LONRF1: variants seen among roughly 807,000 people sequenced by gnomAD.
LONRF1 encodes the protein LON peptidase N-terminal domain and RING finger protein 1.
In LONRF1, 37 loss-of-function variants were observed where a neutral mutation model predicts 85.8. The observed-to-expected ratio is 0.43, with a 90% confidence interval of 0.33 to 0.57. The LOEUF (loss-of-function observed/expected upper bound fraction) is 0.57, where lower values mean the gene tolerates loss of function less well. Ranked by LOEUF, LONRF1 falls within the 20% of genes least tolerant of loss-of-function variation. LONRF1 has a pLI of 0.04. For synonymous variants in LONRF1, 517 were observed against 390.1 expected (o/e 1.33, Z -3.83); for missense variants, 1,036 against 978.0 (o/e 1.06, Z -0.79).
chr8:12,725,984 C>T, intron 10 of LONRF1, 105 bp from the exon 11 acceptor site: 1 of 1,013,206 alleles, frequency 9.9e-7, no homozygotes, highest in South Asian at 1.5e-5. Context: ...CAGGGCAATA[C>T]CTGTTTCAGT....
Position 12,740,936 on chromosome 8 carries a change from G to A in LONRF1, c.901C>T (p.Leu301Phe), listed in dbSNP as rs758592289. ...TCAAGGGCTAAGCACTGAAGAAAGA[G>A]TTGTAAGGCATCACCTAAAAAACCA... ...DAGFLGDALQ[L>F]FLQCLALDED... is the part of the protein sequence containing the mutation. Residue 301 changes from leucine to phenylalanine, a missense_variant, in exon 3 of 12, where the codon CTC becomes TTC. By Grantham distance (22) the Leu-to-Phe change is conservative. Transcript: ENST00000398246. The A allele has an allele frequency of 4.3e-6, 7 of 1,613,580 alleles. No individual in the cohort carries two copies. In the South Asian group the frequency reaches 7.7e-5, roughly 18 times the overall value.
At chr8:12,728,786 G>A (rs745449319) in intron 10 of LONRF1, 115 bp downstream of exon 10, 131 of 1,156,346 alleles carry the variant, frequency 1.1e-4, no homozygotes, top group Middle Eastern at 2.3e-4. Context: ...TCATCACAGT[G>A]GTAAGGCTGT....
At chr8:12,745,765 T>C (rs2117321417) in intron 1 of LONRF1, among the ~76,000 whole-genome samples, 1 of 152,248 alleles carries the variant, frequency 6.6e-6, no homozygotes, top group African/African-American at 2.4e-5. Flanking sequence ...ATTGACAAAA[T>C]CCAAAGACAA....
At chr8:12,724,474 A>T (rs1050641057) in intron 11 of LONRF1, among the ~76,000 whole-genome samples, 3 of 152,144 alleles carry the variant, frequency 2.0e-5, no homozygotes. Context: ...TGTAGGTGAC[A>T]TCCCTGACCT....
At chr8:12,740,755 T>C in intron 3 of LONRF1, 119 bp downstream of exon 3, 1 of 1,257,888 alleles carries the variant, frequency 7.9e-7, no homozygotes, top group Non-Finnish European at 1.1e-6. Context: ...ATCACATTTG[T>C]TCCTAAGTTA....
At chr8:12,740,616 C>G (rs1351185511) in intron 3 of LONRF1, among the ~76,000 whole-genome samples, 1 of 152,146 alleles carries the variant, frequency 6.6e-6, no homozygotes, top group East Asian at 1.9e-4. Flanking sequence ...GACCATCAGT[C>G]TGGCTCAGAT....
Position 12,755,172 on chromosome 8 carries a change from G to C in LONRF1, c.249C>G (p.Pro83=), listed in dbSNP as rs1181419076. Residue 83 remains proline, a synonymous_variant, in exon 1 of 12, where the codon CCC becomes CCG. Transcript: ENST00000398246. ...AGTCCACCAGGGCGCCCAGGCACTC[G>C]GGCCTGGCCGGGGCCCCGCGGCGCA... The part of the protein sequence containing the change: ...AALRRGAPAR[P]ECLGALVDCL... 7.3e-7 allele frequency: 1 copy of C among 1,362,454 alleles called. No homozygotes were observed. Among genetic ancestry groups the C allele is most frequent in the African/African-American group, 1.5e-5 (1 of 65,408 alleles). The allele number at this position is 1,362,454 out of a possible 1,614,324, so 84.4% of individuals were successfully genotyped here.
At chr8:12,745,340 AAAAAAC>A (rs1301090710) in intron 1 of LONRF1, among the ~76,000 whole-genome samples, 6 of 145,626 alleles carry the variant, frequency 4.1e-5, no homozygotes, top group African/African-American at 1.6e-4. Flanking sequence ...AAAAAAAAAA[AAAAAAC>A]CAACCCCATC....
Position 12,734,436 on chromosome 8 carries a change from T to A in LONRF1, c.1566+850A>T, listed in dbSNP as rs542627701. Among the ~76,000 whole-genome samples the A allele has an allele frequency of 4.7e-3, 715 of 152,278 alleles. 4 individuals carry two copies. The highest frequency in any genetic ancestry group is 0.017 in the African/African-American group (692 of 41,560). Reference sequence around the variant, plus strand: ...ACTTTTTTTTAAGCAATCCTGTCAATCACCAGAGACAGAATCACTTTCCCC... The same window carrying A: ...ACTTTTTTTTAAGCAATCCTGTCAAACACCAGAGACAGAATCACTTTCCCC... On this transcript the variant is annotated intron_variant, in intron 7 of 11. Coordinates refer to ENST00000398246, the MANE Select transcript of LONRF1 (RefSeq NM_152271.5).
chr8:12,746,721 T>C (rs1799169362), intron 1 of LONRF1, among the ~76,000 whole-genome samples: 1 of 152,242 alleles, frequency 6.6e-6, no homozygotes, highest in Non-Finnish European at 1.5e-5. Context: ...ATTGTCCACA[T>C]TTTTATAGAA....
At chr8:12,729,804 G>A (rs1200973123) in intron 8 of LONRF1, among the ~76,000 whole-genome samples, 2 of 152,086 alleles carry the variant, frequency 1.3e-5, no homozygotes, top group African/African-American at 4.8e-5. Flanking sequence ...CAAACGCAAG[G>A]ATAAGAAAAC....
chr8:12,747,079 T>G (rs1799189524), intron 1 of LONRF1, among the ~76,000 whole-genome samples: 1 of 152,250 alleles, frequency 6.6e-6, no homozygotes, highest in African/African-American at 2.4e-5. Context: ...GATAAATGTT[T>G]CCTGAATTAG....
At chr8:12,734,719 C>T (rs941253514) in intron 7 of LONRF1, among the ~76,000 whole-genome samples, 2 of 152,154 alleles carry the variant, frequency 1.3e-5, no homozygotes, top group East Asian at 1.9e-4. Context: ...TGCCCAATGT[C>T]GCAGCCATTA....
At chr8:12,731,605 G>C (rs1302818349) in intron 8 of LONRF1, 131 bp downstream of exon 8, 142 of 708,054 alleles carry the variant, frequency 2.0e-4, no homozygotes, top group Non-Finnish European at 1.4e-4. Context: ...GTCTGTTGAG[G>C]ACCACGGAAA....
chr8:12,730,355 G>C (rs1798481121), intron 8 of LONRF1, among the ~76,000 whole-genome samples: 1 of 152,278 alleles, frequency 6.6e-6, no homozygotes, highest in East Asian at 1.9e-4. Flanking sequence ...AATGCCAATA[G>C]TTGATTCCCT....
At chr8:12,749,567 A>AT (rs1799296519) in intron 1 of LONRF1, among the ~76,000 whole-genome samples, 1 of 152,228 alleles carries the variant, frequency 6.6e-6, no homozygotes, top group Non-Finnish European at 1.5e-5. Flanking sequence ...CAAAAAGTTA[A>AT]TATATAAATA....
At position 12,740,890 on chromosome 8, in the gene LONRF1, T is replaced by C; in HGVS notation, c.947A>G (p.Lys316Arg). The change falls in exon 3 of 12, where the codon AAG becomes AGG. Residue 316 changes from lysine (K) to arginine (R), a missense_variant. Lys to Arg is a conservative substitution (Grantham distance 26). This residue lies in a region of LONRF1 where 742 missense variants were observed against 614.4 expected (regional missense o/e 1.21). Transcript: ENST00000398246. ...ACTGATTACCTTTTGTACTTGCAGC[T>C]TTGCAGGTGCAAAATCTTCATCAAG... The part of the protein sequence containing the change: ...LALDEDFAPA[K>R]LQVQKILCDL... 1 of 1,613,474 alleles carries C rather than the reference T, an allele frequency of 6.2e-7. No homozygotes were observed. The highest frequency in any genetic ancestry group is 8.5e-7 in the Non-Finnish European group (1 of 1,179,556).
At chr8:12,754,579 C>A in intron 1 of LONRF1, 121 bp downstream of exon 1, 1 of 1,140,744 alleles carries the variant, frequency 8.8e-7, no homozygotes, top group Non-Finnish European at 1.1e-6. Flanking sequence ...GACACGCCAG[C>A]GGCCCAGCGG....
At position 12,730,502 on chromosome 8, in the gene LONRF1, A is replaced by C. The variant is rs1195535847; in HGVS notation, c.1689-1170T>G. On this transcript the variant is annotated intron_variant, in intron 8 of 11. Coordinates refer to ENST00000398246, the MANE Select transcript of LONRF1 (RefSeq NM_152271.5). Reference sequence around the variant, plus strand: ...TGTTTTAAGAAACAGCCCCATTAGTAAGCAGCTGGACACCCTGTCGCTTCT... The same window carrying C: ...TGTTTTAAGAAACAGCCCCATTAGTCAGCAGCTGGACACCCTGTCGCTTCT... Among the ~76,000 whole-genome samples the C allele has an allele frequency of 3.3e-5, 5 of 152,294 alleles. No homozygotes were observed. In the East Asian group the frequency reaches 9.7e-4, roughly 29 times the overall value.
Sources: gnomAD v4.1 joint callset for allele counts (sites outside exome capture counted in the v4.1 genomes callset) on GRCh38, gnomAD v4.1.1 for gene constraint, gnomAD v4.1.1 regional missense constraint, MANE v1.5 for transcripts, NCBI Gene and HGNC (gene_info 2026-07-23, HGNC 2026-07-21) for gene names.